The following SLIT3 variants were observed in gnomAD, a reference collection of about 807,000 sequenced individuals.
The protein encoded by SLIT3 is slit guidance ligand 3.
In SLIT3, 68 loss-of-function variants were observed where a neutral mutation model predicts 184.0. That is an observed-to-expected ratio of 0.37 (90% CI 0.30 to 0.45). The LOEUF (loss-of-function observed/expected upper bound fraction) is 0.45, where lower values mean the gene tolerates loss of function less well. SLIT3 is among the 20% of genes least tolerant of loss of function. The pLI is 1.00. For synonymous variants in SLIT3, 831 were observed against 828.6 expected (o/e 1.00, Z -0.05); for missense variants, 1,707 against 2,026.0 (o/e 0.84, Z 3.02).
intron 1 of SLIT3, among the ~76,000 whole-genome samples, chr5:169,279,636 A>G (rs62376944): frequency 0.021 from 3,184 of 152,344 alleles, 49 homozygotes; most frequent in Non-Finnish European, 0.032. Context: ...AAGCTATATA[A>G]AAGGATATCA....
chr5:169,200,149 C>G (rs1763866745), intron 3 of SLIT3, among the ~76,000 whole-genome samples: 1 of 152,192 alleles, frequency 6.6e-6, no homozygotes, highest in Admixed American at 6.5e-5. Context: ...GTCACTACTT[C>G]CCCTCCCTCA....
intron 3 of SLIT3, among the ~76,000 whole-genome samples, chr5:169,207,677 T>G (rs1468763673): frequency 6.6e-6 from 1 of 152,214 alleles, no homozygotes; most frequent in Non-Finnish European, 1.5e-5. Context: ...CTTAGCTGCC[T>G]TCTTGTGTTC....
chr5:168,943,470 T>C (rs1334499426), intron 4 of SLIT3, among the ~76,000 whole-genome samples: 3 of 152,336 alleles, frequency 2.0e-5, no homozygotes, highest in South Asian at 4.1e-4. Flanking sequence ...ACTGAATTCA[T>C]GCTAGGCTAA....
chr5:168,956,423 T>C (rs1762828377), intron 4 of SLIT3, among the ~76,000 whole-genome samples: 1 of 152,178 alleles, frequency 6.6e-6, no homozygotes, highest in South Asian at 2.1e-4. Flanking sequence ...GTATATATGA[T>C]GAAATATTTA....
chr5:169,082,941 A>AAT (rs987952050), intron 4 of SLIT3, among the ~76,000 whole-genome samples: 73 of 152,318 alleles, frequency 4.8e-4, no homozygotes, highest in African/African-American at 1.7e-3. Flanking sequence ...CAAATCCACA[A>AAT]TTTGAACTTA....
intron 4 of SLIT3, among the ~76,000 whole-genome samples, chr5:168,924,088 G>C (rs768098885): frequency 3.9e-5 from 6 of 152,186 alleles, no homozygotes; most frequent in Non-Finnish European, 2.9e-5. Context: ...GTCTGTACCC[G>C]GGTCCACAAG....
At chr5:169,246,612 T>C (rs1169333776) in intron 2 of SLIT3, among the ~76,000 whole-genome samples, 1 of 152,150 alleles carries the variant, frequency 6.6e-6, no homozygotes, top group Non-Finnish European at 1.5e-5. Context: ...CAGGTTCTGC[T>C]ATACAATTAG....
Position 168,709,663 on chromosome 5 carries a change from C to T in SLIT3, c.2719+1232G>A, listed in dbSNP as rs559728841. On this transcript the variant is annotated intron_variant, in intron 25 of 35. Transcript: ENST00000519560. ...TTCTGCTTGCAGCAGAAGTGTAGGACACACTAAAGTTTGAGAGGGTAATTA... is the reference window on the plus strand; with the variant it reads ...TTCTGCTTGCAGCAGAAGTGTAGGATACACTAAAGTTTGAGAGGGTAATTA... Among the ~76,000 whole-genome samples the T allele has an allele frequency of 1.4e-3, 203 of 148,314 alleles. 2 individuals carry two copies. Among genetic ancestry groups the T allele is most frequent in the African/African-American group, 4.8e-3 (182 of 37,788 alleles).
chr5:169,058,497 G>A (rs986452045), intron 4 of SLIT3, among the ~76,000 whole-genome samples: 3 of 152,132 alleles, frequency 2.0e-5, no homozygotes, highest in Non-Finnish European at 2.9e-5. Flanking sequence ...GGGGAACAGG[G>A]GCCTGCTGCC....
chr5:169,202,347 T>C (rs1189867655), intron 3 of SLIT3, among the ~76,000 whole-genome samples: 4 of 152,216 alleles, frequency 2.6e-5, no homozygotes, highest in Admixed American at 2.6e-4. Context: ...CTAAGTGTTG[T>C]GTTAGGTGTT....
chr5:168,921,333 C>A (rs554757497), intron 4 of SLIT3, among the ~76,000 whole-genome samples: 1 of 152,232 alleles, frequency 6.6e-6, no homozygotes, highest in Non-Finnish European at 1.5e-5. Context: ...ATTCACCTCA[C>A]GTACAAAATG....
chr5:169,288,449 A>C (rs949038048), intron 1 of SLIT3, among the ~76,000 whole-genome samples: 1 of 152,054 alleles, frequency 6.6e-6, no homozygotes. Context: ...GCTTGCTTTC[A>C]TCAATGATTC....
chr5:168,903,081 A>G (rs1760924419), intron 4 of SLIT3, among the ~76,000 whole-genome samples: 1 of 152,248 alleles, frequency 6.6e-6, no homozygotes, highest in Non-Finnish European at 1.5e-5. Flanking sequence ...CAGCAGACCA[A>G]CAGGCACAGG....
chr5:168,762,977 T>C (rs577146604), intron 14 of SLIT3, among the ~76,000 whole-genome samples: 1 of 152,228 alleles, frequency 6.6e-6, no homozygotes, highest in Admixed American at 6.5e-5. Flanking sequence ...CAGACGTTTT[T>C]GAGAAGCTGA....
intron 20 of SLIT3, among the ~76,000 whole-genome samples, chr5:168,745,922 G>A (rs1428866030): frequency 1.3e-5 from 2 of 152,130 alleles, no homozygotes; most frequent in Admixed American, 6.5e-5. Context: ...CCCCCGACTA[G>A]GAAAAAGATT....
intron 3 of SLIT3, among the ~76,000 whole-genome samples, chr5:169,209,538 C>T (rs1171689322): frequency 6.6e-6 from 1 of 152,160 alleles, no homozygotes; most frequent in Non-Finnish European, 1.5e-5. Flanking sequence ...AGACTTGGAA[C>T]CAACCCAAAT....
chr5:169,280,109 T>C (rs1210954433), intron 1 of SLIT3, among the ~76,000 whole-genome samples: 1 of 152,258 alleles, frequency 6.6e-6, no homozygotes, highest in Non-Finnish European at 1.5e-5. Context: ...CAAGTCCTGC[T>C]GTTTCTTGTA....
At position 168,671,435 on chromosome 5, in the gene SLIT3, C is replaced by T. The variant is rs760906259; in HGVS notation, c.3890G>A (p.Arg1297Gln). ...GCATCCGTGGAAGCCGCCTAGAGGC[C>T]GGTCCGTGCCCTGGCGCAAGGCAGA... ...GLSALRQGTD[R>Q]PLGGFHGCIH... Residue 1297 changes from arginine to glutamine, a missense_variant, in exon 34 of 36, where the codon CGG (arginine) becomes CAG (glutamine). Transcript: ENST00000519560. The T allele has an allele frequency of 1.5e-5, 24 of 1,613,420 alleles. No individual in the cohort carries two copies. Among genetic ancestry groups the T allele is most frequent in the Admixed American group, 5.0e-5 (3 of 59,944 alleles).
chr5:169,274,766 C>T (rs1265085128), intron 1 of SLIT3, among the ~76,000 whole-genome samples: 1 of 152,208 alleles, frequency 6.6e-6, no homozygotes, highest in Admixed American at 6.5e-5. Flanking sequence ...GCTCATAGCA[C>T]CCAGGGTGTT....
Sources: gnomAD v4.1 joint callset for allele counts (sites outside exome capture counted in the v4.1 genomes callset) on GRCh38, gnomAD v4.1.1 for gene constraint, MANE v1.5 for transcripts, NCBI Gene and HGNC (gene_info 2026-07-23, HGNC 2026-07-21) for gene names.